Variants in E2F5 observed in about 807,000 individuals in gnomAD.
The protein encoded by E2F5 is transcription factor E2F5.
Under a neutral mutation model 39.1 loss-of-function variants are expected in E2F5, and 23 were observed. The observed-to-expected ratio is 0.59, with a 90% CI of 0.42 to 0.83. The LOEUF is 0.83. E2F5 is among the 40% of genes least tolerant of loss of function. The pLI is 0.00. For missense variants in E2F5, 365 were observed against 406.7 expected, an observed-to-expected ratio of 0.90 and a Z score of 0.88; for synonymous variants, 145 against 157.8, an observed-to-expected ratio of 0.92 and a Z score of 0.61.
chr8:85,195,447 C>G (rs1421609351), intron 1 of E2F5, among the ~76,000 whole-genome samples: 1 of 152,032 alleles, frequency 6.6e-6, no homozygotes, highest in Admixed American at 6.6e-5. Flanking sequence ...TAATCTTTCT[C>G]CTGTTTTAGG....
At chr8:85,211,951 G>A (rs536320882) in intron 6 of E2F5, among the ~76,000 whole-genome samples, 2 of 152,138 alleles carry the variant, frequency 1.3e-5, no homozygotes, top group South Asian at 4.2e-4. Flanking sequence ...CAGATAATGA[G>A]TCTTTTGGTC....
chr8:85,209,667 T>C (rs1812874814), intron 6 of E2F5, among the ~76,000 whole-genome samples: 1 of 152,244 alleles, frequency 6.6e-6, no homozygotes, highest in African/African-American at 2.4e-5. Flanking sequence ...AAACAAAATA[T>C]TGACTGTGGC....
intron 1 of E2F5, among the ~76,000 whole-genome samples, chr8:85,186,452 C>CG (rs1812335679): frequency 6.6e-6 from 1 of 151,496 alleles, no homozygotes; most frequent in South Asian, 2.1e-4. Flanking sequence ...ACATGTATAC[C>CG]TATGTAACAA....
chr8:85,198,703 A>T (rs1477492425), intron 1 of E2F5, among the ~76,000 whole-genome samples: 2 of 152,116 alleles, frequency 1.3e-5, no homozygotes, highest in African/African-American at 4.8e-5. Flanking sequence ...CTGGACCTTA[A>T]ACTTCCCCAG....
intron 1 of E2F5, among the ~76,000 whole-genome samples, chr8:85,186,243 G>A (rs1255585418): frequency 6.6e-6 from 1 of 151,986 alleles, no homozygotes; most frequent in Non-Finnish European, 1.5e-5. Flanking sequence ...ATCATTCTCA[G>A]CAAACTATCA....
intron 6 of E2F5, 68 bp downstream of exon 6, chr8:85,209,477 CCA>C: frequency 3.4e-6 from 5 of 1,491,448 alleles, no homozygotes; most frequent in Non-Finnish European, 4.5e-6. Flanking sequence ...GCTCTCTTAT[CCA>C]AAGTGCTTGT....
At chr8:85,203,514 A>G (rs573251864) in intron 3 of E2F5, among the ~76,000 whole-genome samples, 30 of 152,224 alleles carry the variant, frequency 2.0e-4, no homozygotes, top group African/African-American at 6.3e-4. Flanking sequence ...TGGTCTACCA[A>G]TTGATAGAAT....
chr8:85,194,688 C>T (rs1261067701), intron 1 of E2F5, among the ~76,000 whole-genome samples: 2 of 151,260 alleles, frequency 1.3e-5, no homozygotes, highest in Non-Finnish European at 2.9e-5. Flanking sequence ...GCGCCTGCCA[C>T]CGCGCATGGC....
intron 1 of E2F5, among the ~76,000 whole-genome samples, chr8:85,181,572 C>A (rs1228352846): frequency 6.7e-6 from 1 of 148,726 alleles, no homozygotes; most frequent in Non-Finnish European, 1.5e-5. Context: ...ATCTTCTGAC[C>A]TCGTGATCCT....
At chr8:85,206,337 T>TGAGACACAATG in intron 4 of E2F5, 117 bp downstream of exon 4, 1 of 992,630 alleles carries the variant, frequency 1.0e-6, no homozygotes, top group Non-Finnish European at 1.5e-6. Flanking sequence ...GGGCATTGTG[T>TGAGACACAATG]CTCACTCCAC....
chr8:85,193,845 A>G (rs1812521624), intron 1 of E2F5, among the ~76,000 whole-genome samples: 1 of 151,996 alleles, frequency 6.6e-6, no homozygotes, highest in Admixed American at 6.5e-5. Context: ...GTTTTGTTTT[A>G]TGGATGTACC....
Position 85,177,260 on chromosome 8 carries a change from G to A in E2F5, c.-161G>A. On this transcript the variant is annotated 5_prime_UTR_variant, in exon 1 of 8. It adds an upstream start codon to the 5' untranslated region. Coordinates refer to ENST00000416274, the MANE Select transcript of E2F5 (RefSeq NM_001951.4). Reference sequence around the variant, plus strand: ...GGCGTGACAAGCGGCCCAGACTCCCGTGGGCGCCGCACACCTGTTGTTTGC... The same window carrying A: ...GGCGTGACAAGCGGCCCAGACTCCCATGGGCGCCGCACACCTGTTGTTTGC... 1 of 546,636 alleles carries A rather than the reference G, an allele frequency of 1.8e-6. No individual in the cohort carries two copies. The highest frequency in any genetic ancestry group is 2.3e-6 in the Non-Finnish European group (1 of 428,780). 33.9% of individuals were successfully genotyped at this position (546,636 alleles called of 1,614,324 possible).
chr8:85,210,338 C>T lies in E2F5; in HGVS notation c.883+929C>T, dbSNP rs4150965. Among the ~76,000 whole-genome samples the T allele has an allele frequency of 4.7e-3, 719 of 152,108 alleles. 9 individuals are homozygous for T. The highest frequency in any genetic ancestry group is 0.017 in the African/African-American group (688 of 41,486). On this transcript the variant is annotated intron_variant, in intron 6 of 7. Transcript: ENST00000416274. ...TTGCCCACATCTATTCCTTTCTTTC[C>T]CCTATAAATATGTCTATACTACAGA...
chr8:85,194,373 A>T (rs1022509065), intron 1 of E2F5, among the ~76,000 whole-genome samples: 1 of 152,094 alleles, frequency 6.6e-6, no homozygotes, highest in African/African-American at 2.4e-5. Context: ...TTTAAAATCC[A>T]TGTACATTCT....
At position 85,203,206 on chromosome 8, in the gene E2F5, T is replaced by C. The variant is rs1227115138; in HGVS notation, c.457T>C (p.Trp153Arg). Residue 153 changes from tryptophan to arginine, a missense_variant, in exon 3 of 8, where the codon TGG (tryptophan) becomes CGG (arginine). Transcript: ENST00000416274. ...AAGAGAACTTGATCAGCAGAAGTTG[T>C]GGCTACAGCAAAGCATCAAAAATGT... The part of the protein sequence containing the change: ...KERELDQQKL[W>R]LQQSIKNVMD... The C allele has an allele frequency of 2.5e-6, 4 of 1,605,280 alleles. No individual in the cohort carries two copies. In the South Asian group the frequency reaches 4.5e-5, roughly 18 times the overall value.
At chr8:85,194,670 G>A (rs1812543147) in intron 1 of E2F5, among the ~76,000 whole-genome samples, 4 of 150,730 alleles carry the variant, frequency 2.7e-5, no homozygotes, top group Non-Finnish European at 5.9e-5. Flanking sequence ...AAGTAGCTGG[G>A]ATTACAAGCG....
intron 1 of E2F5, among the ~76,000 whole-genome samples, chr8:85,201,527 A>G (rs909028736): frequency 3.7e-4 from 56 of 152,250 alleles, no homozygotes; most frequent in African/African-American, 1.3e-3. Context: ...GAATGCAGCT[A>G]CCAAGTTTTT....
chr8:85,209,467 GCT>G, intron 6 of E2F5, 58 bp downstream of exon 6: 1 of 1,512,684 alleles, frequency 6.6e-7, no homozygotes, highest in Non-Finnish European at 8.9e-7. Context: ...AAACAGGTTG[GCT>G]CTCTTATCCA....
At chr8:85,193,382 C>T (rs1468141075) in intron 1 of E2F5, among the ~76,000 whole-genome samples, 1 of 151,998 alleles carries the variant, frequency 6.6e-6, no homozygotes, top group Non-Finnish European at 1.5e-5. Flanking sequence ...ACTTGGGAGG[C>T]TTAGGCAGGA....
Sources: gnomAD v4.1 joint callset for allele counts (sites outside exome capture counted in the v4.1 genomes callset) on GRCh38, gnomAD v4.1.1 for gene constraint, MANE v1.5 for transcripts, NCBI Gene and HGNC (gene_info 2026-07-23, HGNC 2026-07-21) for gene names.